Variants in PIEZO2 observed in about 807,000 individuals in gnomAD.
The protein encoded by PIEZO2 is piezo type mechanosensitive ion channel component 2, also known as piezo-type mechanosensitive ion channel component 2.
In PIEZO2, 172 loss-of-function variants were observed where a neutral mutation model predicts 337.3. The ratio of observed to expected loss-of-function variants is 0.51; its 90% CI spans 0.45 to 0.58. PIEZO2 has a LOEUF of 0.58. Ranked by LOEUF, PIEZO2 falls within the 20% of genes least tolerant of loss-of-function variation. PIEZO2 has a pLI of 0.00. For synonymous variants in PIEZO2, 1,251 were observed against 1,228.5 expected (o/e 1.02, Z -0.38); for missense variants, 3,028 against 3,391.3 (o/e 0.89, Z 2.66).
rs376703258 is a variant in PIEZO2 at position 10,715,797 on chromosome 18, T to C, written c.5109A>G (p.Ile1703Met). Residue 1703 changes from isoleucine to methionine, a missense_variant, in exon 38 of 56, where the codon ATA becomes ATG. Around this residue, in one of 5 missense-constraint regions of PIEZO2, gnomAD observed 1,925 missense variants for 2,051.9 expected, o/e 0.94. Coordinates refer to ENST00000674853, the MANE Select transcript of PIEZO2 (RefSeq NM_001378183.1). ...SDGPDNIIKR[I>M]FNILKFTWVL... ...CCCAGGTAAATTTCAAAATATTAAA[T>C]ATCCTCTTGATGATATTATCTAGGA... 1.3e-4 allele frequency: 193 copies of C among 1,530,274 alleles called. No homozygotes were observed. The highest frequency in any genetic ancestry group is 1.6e-4 in the Non-Finnish European group (186 of 1,141,716). 94.8% of individuals were successfully genotyped at this position (1,530,274 alleles called of 1,614,324 possible).
At chr18:10,744,662 T>C (rs919420081) in intron 30 of PIEZO2, among the ~76,000 whole-genome samples, 4 of 152,192 alleles carry the variant, frequency 2.6e-5, no homozygotes, top group Non-Finnish European at 5.9e-5. Context: ...AACTGGGGAT[T>C]CCTTCAGGGA....
chr18:10,880,731 T>A (rs1373191233), intron 4 of PIEZO2, among the ~76,000 whole-genome samples: 2 of 151,282 alleles, frequency 1.3e-5, no homozygotes, highest in African/African-American at 2.4e-5. Flanking sequence ...TAAATATGAC[T>A]CTGATGCAGG....
rs1375821908 is a variant in PIEZO2, at chr18:10,969,534, C to T, written c.286+10001G>A. Among the ~76,000 whole-genome samples, 1 of 152,112 alleles carries T rather than the reference C, an allele frequency of 6.6e-6. No individual in the cohort carries two copies. Among genetic ancestry groups the T allele is most frequent in the Non-Finnish European group, 1.5e-5 (1 of 68,020 alleles). ...CCTTGCCACTTCTAACTCTAGCTTTCTCATTTATGGTTTTCTGTCTTAATT... is the reference window on the plus strand; with the variant it reads ...CCTTGCCACTTCTAACTCTAGCTTTTTCATTTATGGTTTTCTGTCTTAATT... On this transcript the variant is annotated intron_variant, in intron 3 of 55. Transcript: ENST00000674853. This position sits in a 1 kb window ranked among gnomAD's most constrained non-coding sequence, Gnocchi z 4.5.
intron 5 of PIEZO2, among the ~76,000 whole-genome samples, chr18:10,858,460 A>G (rs549637403): frequency 2.0e-5 from 3 of 152,140 alleles, no homozygotes; most frequent in African/African-American, 7.2e-5. Flanking sequence ...GACAGACTTC[A>G]TATCTTTAGT....
intron 2 of PIEZO2, among the ~76,000 whole-genome samples, chr18:11,056,707 T>C (rs1026626672): frequency 6.6e-6 from 1 of 152,098 alleles, no homozygotes; most frequent in African/African-American, 2.4e-5. Flanking sequence ...ATCCAGGAGC[T>C]GCTAGACCTT....
Position 10,750,928 on chromosome 18 carries a change from A to G in PIEZO2, c.4168-741T>C, listed in dbSNP as rs1408103472. 2.0e-5 allele frequency among the ~76,000 whole-genome samples: 3 copies of G among 152,102 alleles called. No individual in the cohort carries two copies. The highest frequency in any genetic ancestry group is 4.4e-5 in the Non-Finnish European group (3 of 68,002). On this transcript the variant is annotated intron_variant, in intron 28 of 55. Transcript: ENST00000674853. This position sits in a 1 kb window ranked among gnomAD's most constrained non-coding sequence, Gnocchi z 4.1. Reference sequence around the variant, plus strand: ...CCTGGGAATATTCCAGTCCTACACCATCATGTCCTGCTTTTGTTCCTGTTT... The same window carrying G: ...CCTGGGAATATTCCAGTCCTACACCGTCATGTCCTGCTTTTGTTCCTGTTT...
In PIEZO2 at chr18:10,696,417, A is replaced by G. The variant is rs1166951506; in HGVS notation, c.6950T>C (p.Ile2317Thr). 1.2e-6 allele frequency: 2 copies of G among 1,614,256 alleles called. No homozygotes were observed. Among genetic ancestry groups the G allele is most frequent in the Admixed American group, 1.7e-5 (1 of 60,030 alleles). The stretch of plus-strand genomic sequence containing the variant: ...CCCAAAGGCCCAAAAGCCGAAGACA[A>G]TGATGATGAAGTCCACAGTGTCAGC... ...FLADTVDFII[I>T]VFGFWAFGKH... is the part of the protein sequence containing the mutation. Residue 2317 changes from isoleucine to threonine, a missense_variant, in exon 46 of 56, where the codon ATT becomes ACT. Around this residue, in one of 5 missense-constraint regions of PIEZO2, gnomAD observed 1,925 missense variants for 2,051.9 expected, o/e 0.94. Transcript: ENST00000674853.
At chr18:10,965,264 G>A (rs922493215) in intron 3 of PIEZO2, among the ~76,000 whole-genome samples, 2 of 152,196 alleles carry the variant, frequency 1.3e-5, no homozygotes, top group Non-Finnish European at 2.9e-5. Flanking sequence ...GAGAGCTCCA[G>A]TTTCTCCACA....
At chr18:10,908,753 C>T (rs919518501) in intron 4 of PIEZO2, 3 of 152,212 alleles carry the variant, frequency 2.0e-5, no homozygotes, top group East Asian at 1.9e-4. Context: ...ACTATAAGTA[C>T]TGAAAAGTAA....
At chr18:10,739,573 C>A (rs2037137727) in intron 33 of PIEZO2, 3 of 152,116 alleles carry the variant, frequency 2.0e-5, no homozygotes, top group South Asian at 4.1e-4. Context: ...AGCAGAGGCC[C>A]TTTAAAAACA....
chr18:11,005,321 A>G (rs1386958304), intron 2 of PIEZO2, among the ~76,000 whole-genome samples: 1 of 152,210 alleles, frequency 6.6e-6, no homozygotes, highest in Non-Finnish European at 1.5e-5. Context: ...AGTTCCCACC[A>G]TGCTACACTT....
Position 11,082,853 on chromosome 18 carries a change from C to A in PIEZO2, c.65-16631G>T, listed in dbSNP as rs531847813. ...TTTCTTTAAAAAGTACACCCTGGGA[C>A]CTCAAAATGCCTCTCTCCAGATTGT... On this transcript the variant is annotated intron_variant, in intron 1 of 55. Coordinates refer to ENST00000674853, the MANE Select transcript of PIEZO2 (RefSeq NM_001378183.1). Among the ~76,000 whole-genome samples, 157 of 152,210 alleles carry A rather than the reference C, an allele frequency of 1.0e-3. 2 individuals carry two copies. The highest frequency in any genetic ancestry group is 3.7e-3 in the African/African-American group (153 of 41,518).
At chr18:10,691,496 C>T (rs376525180) in intron 47 of PIEZO2, 113 bp from the exon 48 acceptor site, 2 of 1,118,012 alleles carry the variant, frequency 1.8e-6, no homozygotes. Context: ...ATCATTCCAA[C>T]TCAATTCTAA....
At chr18:10,752,258 A>G (rs1173603979) in intron 28 of PIEZO2, among the ~76,000 whole-genome samples, 1 of 152,190 alleles carries the variant, frequency 6.6e-6, no homozygotes, top group Non-Finnish European at 1.5e-5. Flanking sequence ...TTGCCAACAT[A>G]ATACAGCTTT....
At chr18:10,683,176 G>A (rs2143523572) in intron 49 of PIEZO2, among the ~76,000 whole-genome samples, 1 of 152,356 alleles carries the variant, frequency 6.6e-6, no homozygotes, top group African/African-American at 2.4e-5. Flanking sequence ...TCTTCAGGAG[G>A]GATCCATTCA....
chr18:10,951,908 T>A (rs1025897474), intron 3 of PIEZO2, among the ~76,000 whole-genome samples: 1 of 152,232 alleles, frequency 6.6e-6, no homozygotes. Context: ...GATTATGAGA[T>A]ATGAAACAGG....
At chr18:10,874,470 T>G (rs991548117) in intron 4 of PIEZO2, among the ~76,000 whole-genome samples, 6 of 152,100 alleles carry the variant, frequency 3.9e-5, no homozygotes, top group Non-Finnish European at 8.8e-5. Context: ...AGGTATATAC[T>G]CAAAAGAAAG....
chr18:10,835,285 T>G (rs1475445531), intron 7 of PIEZO2, among the ~76,000 whole-genome samples: 1 of 152,126 alleles, frequency 6.6e-6, no homozygotes, highest in Non-Finnish European at 1.5e-5. Context: ...CATTTTTTTT[T>G]TTTTTTGGTA....
Position 10,699,113 on chromosome 18 carries a change from T to A in PIEZO2, c.6506A>T (p.Asp2169Val). 6.5e-7 allele frequency: 1 copy of A among 1,537,226 alleles called. No homozygotes were observed. The highest frequency in any genetic ancestry group is 1.2e-5 in the South Asian group (1 of 84,048). ...CCTGCCATGACCGAGGGAGAGCTCATCATCTGATTCCTCCCTGGCCATGCC... is the reference window on the plus strand; with the variant it reads ...CCTGCCATGACCGAGGGAGAGCTCAACATCTGATTCCTCCCTGGCCATGCC... ...ESGMAREESD[D>V]ELSLGHGRRD... is the part of the protein sequence containing the mutation. The change falls in exon 44 of 56, where the codon GAT (aspartate) becomes GTT (valine). Residue 2169 changes from aspartate to valine, a missense_variant. Physicochemically the swap from Asp to Val is radical, Grantham distance 152. This residue lies in a region of PIEZO2 where 1,925 missense variants were observed against 2,051.9 expected (regional missense o/e 0.94). Coordinates refer to ENST00000674853, the MANE Select transcript of PIEZO2 (RefSeq NM_001378183.1).
Sources: allele counts gnomAD v4.1 joint callset (sites outside exome capture counted in the v4.1 genomes callset), GRCh38; gene constraint gnomAD v4.1.1; regional missense constraint gnomAD v4.1.1; non-coding constraint Gnocchi (gnomAD v3.1); transcripts MANE v1.5; gene names NCBI Gene and HGNC (gene_info 2026-07-23, HGNC 2026-07-21).